The following TBC1D8B variants were observed in gnomAD, a reference collection of about 807,000 sequenced individuals.
TBC1D8B encodes the protein RP11-321G1.1.
In TBC1D8B, 75 loss-of-function variants were observed where a neutral mutation model predicts 82.9. That is an observed-to-expected ratio of 0.90 (90% CI 0.75 to 1.10). The LOEUF is 1.10. TBC1D8B is among the 50% of genes least tolerant of loss of function. The pLI, the probability that TBC1D8B is intolerant of heterozygous loss-of-function variation, is 0.00. For missense variants in TBC1D8B, 794 were observed against 796.9 expected (o/e 1.00, Z 0.04); for synonymous variants, 276 against 276.8 (o/e 1.00, Z 0.03).
chrX:106,865,022 T>G (rs1255331520), intron 14 of TBC1D8B, among the ~76,000 whole-genome samples: 1 of 112,141 alleles, frequency 8.9e-6, no homozygotes, highest in Non-Finnish European at 1.9e-5. Context: ...TTCTTTACCT[T>G]TGCTTTCAAA....
intron 18 of TBC1D8B, among the ~76,000 whole-genome samples, chrX:106,869,041 C>G (rs1932831245): frequency 9.0e-6 from 1 of 111,460 alleles, no homozygotes; most frequent in African/African-American, 3.3e-5. Flanking sequence ...ATCATCTAGT[C>G]AAGTCTCTTC....
chrX:106,838,531 T>G (rs1424970871), intron 7 of TBC1D8B, among the ~76,000 whole-genome samples: 1 of 111,834 alleles, frequency 8.9e-6, no homozygotes, highest in African/African-American at 3.3e-5. Flanking sequence ...TCCCATTTCT[T>G]TCCTAGGCAT....
chrX:106,865,705 A>G lies in TBC1D8B; in HGVS notation c.2421+78A>G. On this transcript the variant is annotated intron_variant, in intron 15 of 20. Coordinates refer to ENST00000357242, the MANE Select transcript of TBC1D8B (RefSeq NM_017752.3). ...TATCACAGCCATTCTAATTATTTTT[A>G]TCTTTATTTTAGCAGACATGGTTTT... 4.6e-6 allele frequency: 5 copies of G among 1,096,743 alleles called. No homozygotes were observed. In the South Asian group the frequency reaches 1.1e-4, roughly 24 times the overall value. The allele number at this position is 1,096,743 out of a possible 1,213,427, so 90.4% of individuals were successfully genotyped here. A position where few individuals can be genotyped will look rare whatever the true frequency, so the allele number is the denominator to read the frequency against.
At chrX:106,840,241 A>G in intron 9 of TBC1D8B, 43 bp downstream of exon 9, 1 of 1,136,276 alleles carries the variant, frequency 8.8e-7, no homozygotes, top group South Asian at 2.0e-5. Context: ...GACATTAACT[A>G]TGCCTTTCTA....
chrX:106,833,485 G>A (rs144895625), intron 7 of TBC1D8B, among the ~76,000 whole-genome samples: 1 of 112,046 alleles, frequency 8.9e-6, no homozygotes, highest in African/African-American at 3.2e-5. Context: ...GAGCAAAAAT[G>A]TTCAAAAACT....
At chrX:106,853,418 G>A in intron 12 of TBC1D8B, 103 bp from the exon 13 acceptor site, 1 of 838,806 alleles carries the variant, frequency 1.2e-6, no homozygotes, top group South Asian at 2.6e-5. Flanking sequence ...TGTCCTCTCA[G>A]TTGAAAGTAA....
intron 14 of TBC1D8B, among the ~76,000 whole-genome samples, chrX:106,864,945 T>A (rs1932804159): frequency 8.9e-6 from 1 of 112,274 alleles, no homozygotes; most frequent in East Asian, 2.8e-4. Context: ...ATAAACCAAC[T>A]CTTAATTTTA....
chrX:106,811,191 T>C (rs770614293), intron 1 of TBC1D8B, among the ~76,000 whole-genome samples: 1 of 110,897 alleles, frequency 9.0e-6, no homozygotes. Flanking sequence ...TGCCCCTTTT[T>C]CCCCCTCCCT....
At chrX:106,854,100 C>A (rs1437987083) in intron 13 of TBC1D8B, 98 bp from the exon 14 acceptor site, 11 of 599,812 alleles carry the variant, frequency 1.8e-5, no homozygotes, top group Non-Finnish European at 2.6e-5. Flanking sequence ...GAAATAGAAT[C>A]AAGGCCTCCA....
chrX:106,843,572 A>G (rs755988861), intron 10 of TBC1D8B, among the ~76,000 whole-genome samples: 2 of 111,665 alleles, frequency 1.8e-5, no homozygotes, highest in Non-Finnish European at 3.8e-5. Flanking sequence ...CTACCCTTAT[A>G]CCAGTGCCAC....
At chrX:106,854,323 C>T in intron 14 of TBC1D8B, 27 bp downstream of exon 14, 4 of 1,010,296 alleles carry the variant, frequency 4.0e-6, no homozygotes, top group Non-Finnish European at 5.3e-6. Context: ...TGAGGAAAAA[C>T]CAGTTGGAGT....
chrX:106,852,907 G>A (rs1932620742), intron 12 of TBC1D8B, among the ~76,000 whole-genome samples: 1 of 110,971 alleles, frequency 9.0e-6, no homozygotes, highest in Admixed American at 9.6e-5. Context: ...GGCGATGCGG[G>A]CTCTTTTTTG....
rs768127642 is a variant in TBC1D8B at position 106,802,945 on chromosome X, G to T, written c.92G>T (p.Arg31Leu). ...RSNDYFVLQRRRGYGEEGGGG... is the reference protein window; with the variant it reads ...RSNDYFVLQRLRGYGEEGGGG... ...AACGACTACTTCGTGCTGCAGCGGC[G>T]TCGGGGCTACGGGGAGGAAGGCGGA... The change falls in exon 1 of 21, where the codon CGT becomes CTT. Residue 31 changes from arginine to leucine, a missense_variant. Coordinates refer to ENST00000357242, the MANE Select transcript of TBC1D8B (RefSeq NM_017752.3). 2 of 1,208,717 alleles carry T rather than the reference G, an allele frequency of 1.7e-6. No individual in the cohort carries two copies. Among genetic ancestry groups the T allele is most frequent in the Non-Finnish European group, 2.2e-6 (2 of 894,708 alleles).
intron 14 of TBC1D8B, among the ~76,000 whole-genome samples, chrX:106,862,787 T>TG (rs1331511913): frequency 1.3e-4 from 12 of 95,161 alleles, no homozygotes; most frequent in Admixed American, 3.5e-4. Flanking sequence ...TTTTTTTTTT[T>TG]TTTTTTTTTT....
chrX:106,839,801 T>G (rs1298638379), intron 8 of TBC1D8B, among the ~76,000 whole-genome samples: 1 of 112,176 alleles, frequency 8.9e-6, no homozygotes, highest in Non-Finnish European at 1.9e-5. Context: ...GTATAACACT[T>G]TTACCATTTT....
At position 106,820,952 on chromosome X, in the gene TBC1D8B, A is replaced by G; in HGVS notation, c.317A>G (p.Asp106Gly). ...QNIMKTLSVF[D>G]SNEDITNFVQ... is the part of the protein sequence containing the mutation. The stretch of plus-strand genomic sequence containing the variant: ...ATTATGAAGACCTTATCTGTATTTG[A>G]TTCAAATGAAGATATTACTAATTTT... Residue 106 changes from aspartate (D) to glycine (G), a missense_variant, in exon 3 of 21, where the codon GAT becomes GGT. Transcript: ENST00000357242. 1 of 1,178,470 alleles carries G rather than the reference A, an allele frequency of 8.5e-7. No individual in the cohort carries two copies. The highest frequency in any genetic ancestry group is 1.1e-6 in the Non-Finnish European group (1 of 876,282).
intron 1 of TBC1D8B, among the ~76,000 whole-genome samples, chrX:106,811,502 C>T (rs892394965): frequency 4.5e-5 from 5 of 111,440 alleles, no homozygotes; most frequent in African/African-American, 1.6e-4. Flanking sequence ...ACACTCCAGG[C>T]AGGGTGACAG....
At chrX:106,834,385 G>C (rs759836985) in intron 7 of TBC1D8B, among the ~76,000 whole-genome samples, 2 of 111,163 alleles carry the variant, frequency 1.8e-5, no homozygotes, top group South Asian at 7.8e-4. Context: ...TCTCCACCTA[G>C]TCCTGCCCTT....
chrX:106,822,071 G>T lies in TBC1D8B; in HGVS notation c.455G>T (p.Gly152Val), dbSNP rs753700545. 18 of 1,208,575 alleles carry T rather than the reference G, an allele frequency of 1.5e-5. No homozygotes were observed. In the East Asian group the frequency reaches 5.3e-4, roughly 36 times the overall value. ...EALLKFEKCF[G>V]LPEKEKLVTY... is the part of the protein sequence containing the mutation. ...CTTTTGAAATTTGAAAAATGTTTTG[G>T]TTTACCAGAGAAGGAGAAGTTAGTG... The change falls in exon 4 of 21, where the codon GGT (glycine) becomes GTT (valine). Residue 152 changes from glycine to valine, a missense_variant. Transcript: ENST00000357242.
Sources: allele counts gnomAD v4.1 joint callset (sites outside exome capture counted in the v4.1 genomes callset), GRCh38; gene constraint gnomAD v4.1.1; transcripts MANE v1.5; gene names NCBI Gene and HGNC (gene_info 2026-07-23, HGNC 2026-07-21).